The following GJC1 variants were observed in gnomAD, a reference collection of about 807,000 sequenced individuals.
The protein encoded by GJC1 is gap junction protein gamma 1.
In GJC1, 5 loss-of-function variants were observed where a neutral mutation model predicts 29.3. The ratio of observed to expected loss-of-function variants is 0.17; its 90% CI spans 0.09 to 0.36. GJC1 has a LOEUF of 0.36. Among genes scored for constraint, GJC1 ranks in the 10% least tolerant of loss-of-function variants. GJC1 has a pLI of 1.00. For synonymous variants in GJC1, 177 were observed against 183.3 expected (o/e 0.97, Z 0.28); for missense variants, 310 against 496.2 (o/e 0.62, Z 3.56).
chr17:44,797,024 AT>A (rs1180032496), downstream of GJC1, among the ~76,000 whole-genome samples: 1 of 151,732 alleles, frequency 6.6e-6, no homozygotes, highest in Non-Finnish European at 1.5e-5. Context: ...TTTTTTGCTT[AT>A]TTTTTGTAGA....
intron 1 of GJC1, among the ~76,000 whole-genome samples, chr17:44,808,730 C>T (rs1419906596): frequency 6.6e-6 from 1 of 152,056 alleles, no homozygotes; most frequent in African/African-American, 2.4e-5. Context: ...CCACTGCACT[C>T]CAGCCTAGGT....
At chr17:44,830,699 T>C, upstream of GJC1, 1 of 398,718 alleles carries the variant, frequency 2.5e-6, no homozygotes. This position sits in a 1 kb window ranked among gnomAD's most constrained non-coding sequence, Gnocchi z 4.3. Context: ...CGCCGAGGCC[T>C]TGGTCCATTG....
chr17:44,794,628 C>T (rs1454812888), downstream of GJC1: 1 of 152,244 alleles, frequency 6.6e-6, no homozygotes, highest in Non-Finnish European at 1.5e-5. Flanking sequence ...AGTACACAAA[C>T]TAAAAATAAA....
In GJC1 at chr17:44,803,235, T is replaced by C. The variant is rs920041867; in HGVS notation, c.*1392A>G. On this transcript the variant is annotated 3_prime_UTR_variant, in exon 3 of 3. Coordinates refer to ENST00000592524, the MANE Select transcript of GJC1 (RefSeq NM_005497.4). ...GACGCCCAAATAAAATGCTCCCTGG[T>C]GGAACAAAGTCCCCTTTAAACCTTT... 4 of 152,198 alleles carry C rather than the reference T, an allele frequency of 2.6e-5. No homozygotes were observed. Among genetic ancestry groups the C allele is most frequent in the African/African-American group, 9.7e-5 (4 of 41,442 alleles). 9.4% of individuals were successfully genotyped at this position (152,198 alleles called of 1,614,324 possible). A position where few individuals can be genotyped will look rare whatever the true frequency, so the allele number is the denominator to read the frequency against.
At chr17:44,829,686 G>A (rs1334434783) in intron 1 of GJC1, 1 of 152,070 alleles carries the variant, frequency 6.6e-6, no homozygotes, top group African/African-American at 2.4e-5. Context: ...AACCGCCCGG[G>A]TAGTTGTCGG....
intron 1 of GJC1, among the ~76,000 whole-genome samples, chr17:44,812,833 G>A (rs913555277): frequency 6.6e-6 from 1 of 151,386 alleles, no homozygotes; most frequent in Non-Finnish European, 1.5e-5. Flanking sequence ...ATTTTTAGTA[G>A]AGACAGGGTT....
chr17:44,824,957 G>A (rs569469925), intron 1 of GJC1, among the ~76,000 whole-genome samples: 140 of 148,712 alleles, frequency 9.4e-4, no homozygotes, highest in Non-Finnish European at 1.7e-3. Flanking sequence ...GCCTTGGCCT[G>A]TAATCCCCAT....
intron 1 of GJC1, chr17:44,807,696 C>T (rs1239378469): frequency 6.6e-6 from 1 of 152,110 alleles, no homozygotes; most frequent in Non-Finnish European, 1.5e-5. Flanking sequence ...TCACCACAGT[C>T]TAAGAATATA....
chr17:44,821,721 A>AAC (rs1567714254), intron 1 of GJC1, among the ~76,000 whole-genome samples: 21 of 133,140 alleles, frequency 1.6e-4, no homozygotes, highest in African/African-American at 5.4e-4. Flanking sequence ...AAAAAAAAAA[A>AAC]AAAACAACAA....
chr17:44,819,334 A>C (rs974672275), intron 1 of GJC1, among the ~76,000 whole-genome samples: 1 of 152,136 alleles, frequency 6.6e-6, no homozygotes, highest in African/African-American at 2.4e-5. Context: ...AATGTGTTCA[A>C]GGTTTATCCA....
At chr17:44,827,843 G>A (rs754231129) in intron 1 of GJC1, among the ~76,000 whole-genome samples, 1 of 149,058 alleles carries the variant, frequency 6.7e-6, no homozygotes, top group Non-Finnish European at 1.5e-5. Context: ...TAGCCTGGGC[G>A]ACAGAGCAAG....
At chr17:44,798,060 G>C (rs1050203437), downstream of GJC1, among the ~76,000 whole-genome samples, 1 of 152,130 alleles carries the variant, frequency 6.6e-6, no homozygotes, top group Non-Finnish European at 1.5e-5. Context: ...CTCCAGAACC[G>C]AGGGAAGTCA....
At chr17:44,795,191 C>T (rs1261443947), downstream of GJC1, 1 of 152,124 alleles carries the variant, frequency 6.6e-6, no homozygotes, top group East Asian at 1.9e-4. Flanking sequence ...TTCACATGGG[C>T]CTAGTCATAG....
At chr17:44,823,042 G>T (rs928109922) in intron 1 of GJC1, among the ~76,000 whole-genome samples, 1 of 152,032 alleles carries the variant, frequency 6.6e-6, no homozygotes, top group Non-Finnish European at 1.5e-5. Context: ...CAAAAGGAAT[G>T]TTATAACTCA....
In GJC1 at chr17:44,803,169, G is replaced by A. The variant is rs1345293958; in HGVS notation, c.*1458C>T. 1 of 152,176 alleles carries A rather than the reference G, an allele frequency of 6.6e-6. No homozygotes were observed. Among genetic ancestry groups the A allele is most frequent in the Non-Finnish European group, 1.5e-5 (1 of 68,036 alleles). The allele number at this position is 152,176 out of a possible 1,614,324, so 9.4% of individuals were successfully genotyped here. The stretch of plus-strand genomic sequence containing the variant: ...ATATTCATACTTTCAGAATTTCCAA[G>A]TCAGAGGTGGCTTACAACAGCTTTC... On this transcript the variant is annotated 3_prime_UTR_variant, in exon 3 of 3. Coordinates refer to ENST00000592524, the MANE Select transcript of GJC1 (RefSeq NM_005497.4).
downstream of GJC1, among the ~76,000 whole-genome samples, chr17:44,798,005 C>G (rs571251585): frequency 6.6e-5 from 10 of 152,314 alleles, no homozygotes; most frequent in African/African-American, 2.4e-4. Context: ...ACTGCTGACT[C>G]TGCTGCCGCA....
intron 1 of GJC1, among the ~76,000 whole-genome samples, chr17:44,820,888 A>G (rs1416781220): frequency 6.6e-6 from 1 of 152,260 alleles, no homozygotes; most frequent in Non-Finnish European, 1.5e-5. Flanking sequence ...TCTAAGCAAA[A>G]GCATTACAGC....
At chr17:44,831,351 T>C (rs2050228519), upstream of GJC1, among the ~76,000 whole-genome samples, 1 of 152,226 alleles carries the variant, frequency 6.6e-6, no homozygotes. Flanking sequence ...TTTGAGCTTC[T>C]CTTTTCACAT....
chr17:44,817,940 C>T (rs1490214295), intron 1 of GJC1, among the ~76,000 whole-genome samples: 13 of 151,962 alleles, frequency 8.6e-5, no homozygotes, highest in Admixed American at 6.6e-4. Context: ...AGGCCAGGCG[C>T]GGTGGCTCAT....
Sources: gnomAD v4.1 joint callset for allele counts (sites outside exome capture counted in the v4.1 genomes callset) on GRCh38, gnomAD v4.1.1 for gene constraint, Gnocchi (gnomAD v3.1) non-coding constraint, MANE v1.5 for transcripts, NCBI Gene and HGNC (gene_info 2026-07-23, HGNC 2026-07-21) for gene names.